The following NTM variants were observed in gnomAD, a reference collection of about 807,000 sequenced individuals.
The protein encoded by NTM is IgLON family member 2.
A neutral mutation model predicts 42.1 loss-of-function variants in NTM; 13 were observed. The ratio of observed to expected loss-of-function variants is 0.31; its 90% CI spans 0.20 to 0.49. NTM has a LOEUF of 0.49. NTM is among the 20% of genes least tolerant of loss of function. The pLI, the probability that NTM is intolerant of heterozygous loss-of-function variation, is 0.99. For missense variants in NTM, 373 were observed against 452.8 expected, an observed-to-expected ratio of 0.82 and a Z score of 1.60; for synonymous variants, 187 against 179.2, an observed-to-expected ratio of 1.04 and a Z score of -0.35.
At chr11:131,777,335 A>G (rs1003457530) in intron 1 of NTM, among the ~76,000 whole-genome samples, 1 of 152,088 alleles carries the variant, frequency 6.6e-6, no homozygotes, top group African/African-American at 2.4e-5. Flanking sequence ...ATTGTGGACA[A>G]TATGATTCCA....
intron 1 of NTM, among the ~76,000 whole-genome samples, chr11:131,844,629 T>A (rs1261002288): frequency 1.7e-5 from 1 of 59,148 alleles, no homozygotes; most frequent in South Asian, 3.0e-4. Context: ...TTATCTAGGT[T>A]TCACTTTTTT....
chr11:131,608,474 G>T (rs998462544), intron 1 of NTM, among the ~76,000 whole-genome samples: 1 of 152,054 alleles, frequency 6.6e-6, no homozygotes, highest in African/African-American at 2.4e-5. Context: ...AATTAAGAAA[G>T]AAAGTTCTTT....
rs145003478 is a variant in NTM at position 131,812,183 on chromosome 11, C to CCTCTCT, written c.83-99348_83-99343dup. On this transcript the variant is annotated intron_variant, in intron 1 of 8. Coordinates refer to ENST00000683400, the MANE Select transcript of NTM (RefSeq NM_001352005.2). ...CTTTGTCAGAAAGATAATTAGTCAG[C>CCTCTCT]CTCTCTCTCTCTCTCTCTCTCTCTC... Among the ~76,000 whole-genome samples, 1,029 of 142,928 alleles carry CCTCTCT rather than the reference C, an allele frequency of 7.2e-3. 8 individuals carry two copies. The highest frequency in any genetic ancestry group is 0.015 in the African/African-American group (553 of 36,246). 93.8% of individuals were successfully genotyped at this position (142,928 alleles called of 152,430 possible). A position where few individuals can be genotyped will look rare whatever the true frequency, so the allele number is the denominator to read the frequency against.
chr11:131,671,505 G>T (rs1592467739), intron 1 of NTM: 1 of 984,476 alleles, frequency 1.0e-6, no homozygotes, highest in South Asian at 4.7e-5. Context: ...GGCTGGCAGG[G>T]CCTACCGGTG....
chr11:132,142,153 T>C (rs2069302499), intron 2 of NTM, among the ~76,000 whole-genome samples: 1 of 152,194 alleles, frequency 6.6e-6, no homozygotes, highest in Admixed American at 6.5e-5. Context: ...GCAGGTCTGA[T>C]CTGGGAACAT....
chr11:131,533,328 C>G (rs757751301), intron 1 of NTM, among the ~76,000 whole-genome samples: 1 of 152,174 alleles, frequency 6.6e-6, no homozygotes, highest in African/African-American at 2.4e-5. Flanking sequence ...TAGTAAGCGT[C>G]GAGCGTGATT....
chr11:131,798,295 C>A (rs977790370), intron 1 of NTM, among the ~76,000 whole-genome samples: 1 of 152,190 alleles, frequency 6.6e-6, no homozygotes, highest in African/African-American at 2.4e-5. Flanking sequence ...TTATCATGGA[C>A]GTAGCCGAGA....
chr11:131,381,009 G>A (rs372266027), intron 1 of NTM, among the ~76,000 whole-genome samples: 21 of 152,062 alleles, frequency 1.4e-4, no homozygotes, highest in South Asian at 4.2e-4. Flanking sequence ...ATAATAAACC[G>A]GATGTTATGG....
intron 2 of NTM, among the ~76,000 whole-genome samples, chr11:131,923,183 A>C (rs1338015574): frequency 6.6e-6 from 1 of 152,046 alleles, no homozygotes; most frequent in Non-Finnish European, 1.5e-5. Context: ...GAAGTCTGTT[A>C]TTTATGTATG....
chr11:131,863,863 A>G (rs978127781), intron 1 of NTM, among the ~76,000 whole-genome samples: 8 of 152,224 alleles, frequency 5.3e-5, no homozygotes, highest in Non-Finnish European at 1.2e-4. Context: ...TTGAGGATGC[A>G]TTTTGATTTA....
rs888833102 is a variant in NTM, at chr11:132,183,661, A to G, written c.401-28361A>G. On this transcript the variant is annotated intron_variant, in intron 3 of 8. Coordinates refer to ENST00000683400, the MANE Select transcript of NTM (RefSeq NM_001352005.2). ...TGTTCTTTGAAAGCACCAGACAAGT[A>G]TATCTTCTCTAGGTCTACCTGGTCA... Among the ~76,000 whole-genome samples the G allele has an allele frequency of 5.3e-5, 8 of 152,128 alleles. No homozygotes were observed. In the East Asian group the frequency reaches 1.4e-3, roughly 26 times the overall value.
chr11:131,376,062 A>G (rs1268739384), intron 1 of NTM, among the ~76,000 whole-genome samples: 2 of 152,096 alleles, frequency 1.3e-5, no homozygotes, highest in Admixed American at 6.5e-5. Flanking sequence ...ATCTAGGTCA[A>G]GCTGGCAGGG....
chr11:132,256,839 A>C (rs2092519733), intron 4 of NTM, among the ~76,000 whole-genome samples: 1 of 152,128 alleles, frequency 6.6e-6, no homozygotes, highest in Non-Finnish European at 1.5e-5. Context: ...CCGCCCACGG[A>C]CCCGTGTTAT....
chr11:132,029,591 G>A (rs1048886169), intron 2 of NTM, among the ~76,000 whole-genome samples: 7 of 152,170 alleles, frequency 4.6e-5, no homozygotes, highest in East Asian at 1.9e-4. Flanking sequence ...TTTAATGGAA[G>A]CTGGAAGGTG....
intron 1 of NTM, among the ~76,000 whole-genome samples, chr11:131,519,158 C>T (rs1047877602): frequency 1.3e-5 from 2 of 152,148 alleles, no homozygotes; most frequent in African/African-American, 4.8e-5. Flanking sequence ...AGGAGAAGCC[C>T]TGAGTTTCAA....
chr11:131,583,547 C>T (rs1291526440), intron 1 of NTM, among the ~76,000 whole-genome samples: 2 of 152,136 alleles, frequency 1.3e-5, no homozygotes, highest in Admixed American at 1.3e-4. Flanking sequence ...GAAGAGTAAT[C>T]GCGCCTTACC....
intron 3 of NTM, among the ~76,000 whole-genome samples, chr11:132,176,903 ATTTTTAATAGAGATGGGG>A (rs1423891395): frequency 6.6e-6 from 1 of 151,568 alleles, no homozygotes; most frequent in Non-Finnish European, 1.5e-5. Context: ...TAATTTTTGT[ATTTTTAATAGAGATGGGG>A]TTTCACCATG....
chr11:132,310,071 A>G (rs1035659044), intron 5 of NTM, 41 bp from the exon 6 acceptor site: 4 of 1,532,128 alleles, frequency 2.6e-6, no homozygotes, highest in Non-Finnish European at 2.6e-6. Context: ...AAAAAAAAAA[A>G]AAAGGTGGGG....
chr11:131,737,857 AG>A (rs1316791606), intron 1 of NTM, among the ~76,000 whole-genome samples: 1 of 152,142 alleles, frequency 6.6e-6, no homozygotes, highest in Non-Finnish European at 1.5e-5. Flanking sequence ...CGCGGGCCCC[AG>A]GTTGCCATTC....
Sources: gnomAD v4.1 joint callset for allele counts (sites outside exome capture counted in the v4.1 genomes callset) on GRCh38, gnomAD v4.1.1 for gene constraint, MANE v1.5 for transcripts, NCBI Gene and HGNC (gene_info 2026-07-23, HGNC 2026-07-21) for gene names.